MEIS2: variants seen among roughly 807,000 people sequenced by gnomAD.
The protein encoded by MEIS2 is homeobox protein Meis2.
A neutral mutation model predicts 58.6 loss-of-function variants in MEIS2; 9 were observed. The ratio of observed to expected loss-of-function variants is 0.15; its 90% CI spans 0.09 to 0.27. The LOEUF is 0.27. Among genes scored for constraint, MEIS2 ranks in the 10% least tolerant of loss-of-function variants. The pLI is 1.00. For synonymous variants in MEIS2, 221 were observed against 228.4 expected (o/e 0.97, Z 0.29); for missense variants, 427 against 635.0 (o/e 0.67, Z 3.52).
chr15:37,089,798 C>A (rs1893303818), intron 6 of MEIS2, among the ~76,000 whole-genome samples: 2 of 152,056 alleles, frequency 1.3e-5, no homozygotes, highest in Middle Eastern at 3.4e-3. Context: ...TTTCATTTGT[C>A]TGAACTTTAC....
intron 9 of MEIS2, among the ~76,000 whole-genome samples, chr15:36,923,063 G>A (rs2057585913): frequency 6.6e-6 from 1 of 152,132 alleles, no homozygotes; most frequent in Non-Finnish European, 1.5e-5. Context: ...ATTCTTATGA[G>A]TTGTCAATCT....
rs1291565244 is a variant in MEIS2 at position 36,889,816 on chromosome 15, A to G, written c.*2357T>C. On this transcript the variant is annotated 3_prime_UTR_variant, in exon 12 of 12. Coordinates refer to ENST00000561208, the MANE Select transcript of MEIS2 (RefSeq NM_170675.5). ...AAATAGGCAAATATTTAAAATTTAC[A>G]AAAAGACTTCATGTAAAATAGAATA... The G allele has an allele frequency of 6.6e-6, 1 of 152,220 alleles. No homozygotes were observed. Among genetic ancestry groups the G allele is most frequent in the African/African-American group, 2.4e-5 (1 of 41,462 alleles). The allele number at this position is 152,220 out of a possible 1,614,324, so 9.4% of individuals were successfully genotyped here.
chr15:36,991,941 C>G (rs907154184), intron 8 of MEIS2, among the ~76,000 whole-genome samples: 3 of 149,756 alleles, frequency 2.0e-5, no homozygotes, highest in Non-Finnish European at 3.0e-5. Context: ...GCGCCTGCCA[C>G]TACGCCCGGC....
At chr15:36,982,531 A>G (rs976122557) in intron 8 of MEIS2, among the ~76,000 whole-genome samples, 7 of 152,106 alleles carry the variant, frequency 4.6e-5, no homozygotes, top group East Asian at 1.9e-4. Context: ...TGTATGTACA[A>G]TCATTTTCTT....
intron 8 of MEIS2, among the ~76,000 whole-genome samples, chr15:36,982,935 A>G (rs1427010168): frequency 1.3e-5 from 2 of 152,012 alleles, no homozygotes; most frequent in Non-Finnish European, 1.5e-5. Context: ...CCAATTGGCC[A>G]TTTGTATGTC....
At position 36,890,628 on chromosome 15, in the gene MEIS2, A is replaced by C. The variant is rs1315520672; in HGVS notation, c.*1545T>G. The C allele has an allele frequency of 6.6e-6, 1 of 152,212 alleles. No homozygotes were observed. The highest frequency in any genetic ancestry group is 1.5e-5 in the Non-Finnish European group (1 of 68,024). The allele number at this position is 152,212 out of a possible 1,614,324, so 9.4% of individuals were successfully genotyped here. A position where few individuals can be genotyped will look rare whatever the true frequency, so the allele number is the denominator to read the frequency against. On this transcript the variant is annotated 3_prime_UTR_variant, in exon 12 of 12. Transcript: ENST00000561208. ...GTAGTAAGACAGGCAGAGGAAAAAC[A>C]CAGGCAGATAAATTACCTTTGAGCA... is the stretch of plus-strand genomic sequence containing the variant.
chr15:36,920,118 TTTTATTTATTTATTTATTTA>T (rs199959581), intron 9 of MEIS2, among the ~76,000 whole-genome samples: 1 of 134,640 alleles, frequency 7.4e-6, no homozygotes, highest in East Asian at 2.3e-4. Flanking sequence ...CCTATACTGC[TTTTATTTATTTATTTATTTA>T]TTTATTTATT....
chr15:36,957,543 C>T (rs1356449322), intron 8 of MEIS2, among the ~76,000 whole-genome samples: 1 of 152,168 alleles, frequency 6.6e-6, no homozygotes, highest in East Asian at 1.9e-4. Context: ...GAAAACCCTC[C>T]CAAGCCAGAA....
At chr15:36,992,298 A>G (rs2060324554) in intron 8 of MEIS2, among the ~76,000 whole-genome samples, 1 of 152,102 alleles carries the variant, frequency 6.6e-6, no homozygotes, top group Admixed American at 6.6e-5. Flanking sequence ...TAATGTTGAA[A>G]TTAATAATTC....
At chr15:37,007,144 T>C (rs1399528054) in intron 8 of MEIS2, among the ~76,000 whole-genome samples, 3 of 152,180 alleles carry the variant, frequency 2.0e-5, no homozygotes, top group Non-Finnish European at 4.4e-5. Context: ...GTCCAATTTG[T>C]CTGAGGGCAA....
intron 7 of MEIS2, among the ~76,000 whole-genome samples, chr15:37,041,223 A>G (rs907319965): frequency 6.6e-6 from 1 of 152,230 alleles, no homozygotes; most frequent in Admixed American, 6.5e-5. Flanking sequence ...GCAAATTCTC[A>G]GTCTTAGCTG....
chr15:37,058,035 G>A (rs1464955223), intron 7 of MEIS2, among the ~76,000 whole-genome samples: 2 of 152,160 alleles, frequency 1.3e-5, no homozygotes, highest in Non-Finnish European at 2.9e-5. Context: ...AAACAAGCAC[G>A]ATAACAGAAA....
chr15:37,083,936 A>G lies in MEIS2; in HGVS notation c.640-51T>C, dbSNP rs1054800654. ...TTCCACAGTTACCATTTCAGCCATC[A>G]ATGAAGAACCAAAAGGAACGGCACA... On this transcript the variant is annotated intron_variant, in intron 6 of 11. Coordinates refer to ENST00000561208, the MANE Select transcript of MEIS2 (RefSeq NM_170675.5). 18 of 1,531,860 alleles carry G rather than the reference A, an allele frequency of 1.2e-5. No homozygotes were observed. In the Admixed American group the frequency reaches 2.6e-4, roughly 22 times the overall value. 94.9% of individuals were successfully genotyped at this position (1,531,860 alleles called of 1,614,324 possible).
At chr15:37,001,518 A>G (rs913707126) in intron 8 of MEIS2, among the ~76,000 whole-genome samples, 1 of 152,076 alleles carries the variant, frequency 6.6e-6, no homozygotes, top group Non-Finnish European at 1.5e-5. Flanking sequence ...AGTATGTTGG[A>G]TTGCTTCCCC....
intron 9 of MEIS2, among the ~76,000 whole-genome samples, chr15:36,900,421 T>C (rs1253042222): frequency 6.6e-6 from 1 of 152,022 alleles, no homozygotes; most frequent in Non-Finnish European, 1.5e-5. Flanking sequence ...CTTGGGAGAG[T>C]ATCTACTAAG....
chr15:36,912,267 C>A (rs1417000418), intron 9 of MEIS2, among the ~76,000 whole-genome samples: 1 of 152,142 alleles, frequency 6.6e-6, no homozygotes, highest in Non-Finnish European at 1.5e-5. Flanking sequence ...ATTTGAAAAA[C>A]CAAATACATT....
At chr15:37,089,933 TTCAGGA>T (rs1459053371) in intron 6 of MEIS2, among the ~76,000 whole-genome samples, 2 of 152,158 alleles carry the variant, frequency 1.3e-5, no homozygotes, top group Non-Finnish European at 2.9e-5. Flanking sequence ...TCACCTGTTA[TTCAGGA>T]ACTCCACATG....
chr15:36,950,928 AAC>A (rs1261247778), intron 8 of MEIS2, among the ~76,000 whole-genome samples: 1 of 152,134 alleles, frequency 6.6e-6, no homozygotes, highest in Non-Finnish European at 1.5e-5. Context: ...ATTCAATTAC[AAC>A]ACAGTTTACT....
At position 36,890,612 on chromosome 15, in the gene MEIS2, C is replaced by T. The variant is rs573561488; in HGVS notation, c.*1561G>A. ...CATATCCAACAATATTGTAGTAAGA[C>T]AGGCAGAGGAAAAACACAGGCAGAT... On this transcript the variant is annotated 3_prime_UTR_variant, in exon 12 of 12. Coordinates refer to ENST00000561208, the MANE Select transcript of MEIS2 (RefSeq NM_170675.5). 6.6e-6 allele frequency: 1 copy of T among 152,182 alleles called. No homozygotes were observed. Among genetic ancestry groups the T allele is most frequent in the African/African-American group, 2.4e-5 (1 of 41,514 alleles). The allele number at this position is 152,182 out of a possible 1,614,324, so 9.4% of individuals were successfully genotyped here. A position where few individuals can be genotyped will look rare whatever the true frequency, so the allele number is the denominator to read the frequency against.
Sources: gnomAD v4.1 joint callset for allele counts (sites outside exome capture counted in the v4.1 genomes callset) on GRCh38, gnomAD v4.1.1 for gene constraint, MANE v1.5 for transcripts, NCBI Gene and HGNC (gene_info 2026-07-23, HGNC 2026-07-21) for gene names.